The following FAM185A variants were observed in gnomAD, a reference collection of about 807,000 sequenced individuals.
The protein encoded by FAM185A is protein FAM185A.
A neutral mutation model predicts 45.7 loss-of-function variants in FAM185A; 21 were observed. That is an observed-to-expected ratio of 0.46 (90% confidence interval 0.33 to 0.66). The LOEUF is 0.66. FAM185A is among the 30% of genes least tolerant of loss of function. The pLI is 0.03. For missense variants in FAM185A, 305 were observed against 485.4 expected (o/e 0.63, Z 3.49); for synonymous variants, 117 against 194.0 (o/e 0.60, Z 3.30).
rs553470412 is a variant in FAM185A, at chr7:102,786,159, A to G, written c.932-1176A>G. 3.3e-4 allele frequency among the ~76,000 whole-genome samples: 50 copies of G among 152,300 alleles called. 1 individual carries two copies. The South Asian group carries it at 0.01, about 31-fold the overall frequency. ...CCATCTCACACCAGTTAGAATGGCG[A>G]TCATTAAAAAGTCAGGAAACAACAG... On this transcript the variant is annotated intron_variant, in intron 6 of 7. Transcript: ENST00000413034.
intron 5 of FAM185A, among the ~76,000 whole-genome samples, chr7:102,775,451 G>C (rs1401598476): frequency 1.3e-5 from 2 of 152,028 alleles, no homozygotes; most frequent in Non-Finnish European, 2.9e-5. Context: ...TATCACCTTT[G>C]CCTTCTTTCT....
At chr7:102,813,273 A>G (rs1797558243), downstream of FAM185A, 1 of 1,395,008 alleles carries the variant, frequency 7.2e-7, no homozygotes, top group African/African-American at 1.4e-5. Context: ...GCTAGTAAAC[A>G]TACTTGCAAC....
At chr7:102,792,228 C>T (rs1466529823) in intron 7 of FAM185A, among the ~76,000 whole-genome samples, 1 of 151,510 alleles carries the variant, frequency 6.6e-6, no homozygotes, top group Non-Finnish European at 1.5e-5. Context: ...ATTGCTGTCA[C>T]TGATAAATAA....
At chr7:102,792,215 G>T (rs566741648) in intron 7 of FAM185A, among the ~76,000 whole-genome samples, 1 of 151,318 alleles carries the variant, frequency 6.6e-6, no homozygotes, top group Non-Finnish European at 1.5e-5. Flanking sequence ...GGTTTCCTTT[G>T]CTATTGCTGT....
chr7:102,830,156 G>A, the FAM185A span, among the ~76,000 whole-genome samples: 1 of 152,110 alleles, frequency 6.6e-6, no homozygotes, highest in Non-Finnish European at 1.5e-5. Flanking sequence ...CAATAGCCAT[G>A]CACAGTTTAC....
intron 2 of FAM185A, among the ~76,000 whole-genome samples, chr7:102,756,257 A>T (rs1455268275): frequency 6.6e-6 from 1 of 152,184 alleles, no homozygotes; most frequent in Non-Finnish European, 1.5e-5. Context: ...CTAAAGACGT[A>T]TATAATGATT....
chr7:102,780,358 T>A (rs2430070), intron 6 of FAM185A, among the ~76,000 whole-genome samples: 1 of 151,694 alleles, frequency 6.6e-6, no homozygotes, highest in African/African-American at 2.4e-5. Context: ...CACATAATTC[T>A]AAAAATGATT....
chr7:102,844,615 C>G, the FAM185A span, among the ~76,000 whole-genome samples: 3 of 152,174 alleles, frequency 2.0e-5, no homozygotes, highest in Non-Finnish European at 4.4e-5. Context: ...ACTCTCAATA[C>G]TTCCAGAACA....
chr7:102,772,824 C>T (rs1794838183), intron 5 of FAM185A, among the ~76,000 whole-genome samples: 3 of 150,528 alleles, frequency 2.0e-5, no homozygotes. Flanking sequence ...CTTGTGAATA[C>T]CAATAACTAG....
downstream of FAM185A, among the ~76,000 whole-genome samples, chr7:102,812,292 A>G (rs1257198375): frequency 6.6e-6 from 1 of 152,262 alleles, no homozygotes; most frequent in Non-Finnish European, 1.5e-5. Context: ...TAATATGTAG[A>G]TATGCAATTA....
the FAM185A span, among the ~76,000 whole-genome samples, chr7:102,819,262 C>T: frequency 6.6e-6 from 1 of 152,030 alleles, no homozygotes; most frequent in Non-Finnish European, 1.5e-5. Flanking sequence ...AATAGCTTGT[C>T]GTTTTCTGAT....
chr7:102,811,316 T>A (rs1202762088), downstream of FAM185A, among the ~76,000 whole-genome samples: 1 of 152,338 alleles, frequency 6.6e-6, no homozygotes, highest in East Asian at 1.9e-4. Context: ...CACAGACCTA[T>A]GAATATGAAA....
chr7:102,808,210 T>C (rs566271325), intron 7 of FAM185A, 80 bp from the exon 8 acceptor site: 13 of 928,984 alleles, frequency 1.4e-5, no homozygotes, highest in Non-Finnish European at 2.0e-5. Context: ...AAGGTGTTTT[T>C]CAGTTTCAGA....
intron 7 of FAM185A, among the ~76,000 whole-genome samples, chr7:102,790,107 A>G (rs1263695482): frequency 3.9e-5 from 6 of 152,136 alleles, no homozygotes; most frequent in Non-Finnish European, 8.8e-5. Flanking sequence ...AGCAGAAGAT[A>G]TACACTCTAA....
the FAM185A span, among the ~76,000 whole-genome samples, chr7:102,843,605 T>C: frequency 6.6e-6 from 1 of 151,712 alleles, no homozygotes; most frequent in Non-Finnish European, 1.5e-5. Flanking sequence ...CGAAACCCCG[T>C]CTCTACGAAA....
chr7:102,849,451 G>T, the FAM185A span, among the ~76,000 whole-genome samples: 2 of 152,222 alleles, frequency 1.3e-5, no homozygotes, highest in Admixed American at 6.5e-5. Context: ...CCTAACCAGG[G>T]TAAAAAATTT....
intron 7 of FAM185A, among the ~76,000 whole-genome samples, chr7:102,798,577 A>G (rs1226455489): frequency 7.9e-5 from 12 of 152,160 alleles, no homozygotes; most frequent in Non-Finnish European, 1.2e-4. Context: ...GGGAGGTGAT[A>G]AATAATATAT....
chr7:102,793,952 A>T (rs12533797), intron 7 of FAM185A, among the ~76,000 whole-genome samples: 7,465 of 145,940 alleles, frequency 0.051, 229 homozygotes, highest in South Asian at 0.14. Context: ...GGCAGGGAGA[A>T]TTGCTTGAAC....
At position 102,790,559 on chromosome 7, in the gene FAM185A, T is replaced by C. The variant is rs2537406; in HGVS notation, c.1066+3090T>C. Among the ~76,000 whole-genome samples the C allele has an allele frequency of 1.7e-3, 256 of 152,360 alleles. 1 individual carries two copies. The highest frequency in any genetic ancestry group is 5.7e-3 in the African/African-American group (236 of 41,588). On this transcript the variant is annotated intron_variant, in intron 7 of 7. Transcript: ENST00000413034. ...GAATCATAGCATAACCAAAATTATT[T>C]GCATATGTAAGCATGTTTGAATTAT...
Sources: allele counts gnomAD v4.1 joint callset (sites outside exome capture counted in the v4.1 genomes callset), GRCh38; gene constraint gnomAD v4.1.1; transcripts MANE v1.5; gene names NCBI Gene and HGNC (gene_info 2026-07-23, HGNC 2026-07-21).